NADSYN1: variants seen among roughly 807,000 people sequenced by gnomAD.
NADSYN1 encodes the protein glutamine-dependent NAD(+) synthetase.
Under a neutral mutation model 99.3 loss-of-function variants are expected in NADSYN1, and 80 were observed. The observed-to-expected ratio is 0.81, with a 90% CI of 0.67 to 0.97. The LOEUF is 0.97. Among genes scored for constraint, NADSYN1 ranks in the 50% least tolerant of loss-of-function variants. The probability of loss-of-function intolerance (pLI) is 0.00; values close to 1 mark genes in which losing one functional copy is unlikely to be tolerated. For missense variants in NADSYN1, 859 were observed against 948.5 expected (o/e 0.91, Z 1.24); for synonymous variants, 385 against 372.1 (o/e 1.03, Z -0.40).
chr11:71,462,944 G>T (rs1011027653), intron 3 of NADSYN1, among the ~76,000 whole-genome samples: 1 of 152,178 alleles, frequency 6.6e-6, no homozygotes, highest in Non-Finnish European at 1.5e-5. Flanking sequence ...AGATGATAGG[G>T]TGTTGGCGAG....
In NADSYN1 at chr11:71,464,133, C is replaced by A; in HGVS notation, c.398C>A (p.Ser133Ter). Residue 133 changes from serine (S) to a stop codon, truncating the protein, a stop_gained, in exon 5 of 21, where the codon TCG (serine) becomes TAG (stop). Transcript: ENST00000319023. LOFTEE classifies it high-confidence loss of function. ...GAGCTGCGCTGGTTCACCCCGTGGT[C>A]GAGGAGTCGGTGAGTCGGGTGCCTG... ...YRELRWFTPW[S>*]RSRHTEEYFL... 1 of 1,608,692 alleles carries A rather than the reference C, an allele frequency of 6.2e-7. No homozygotes were observed. The highest frequency in any genetic ancestry group is 8.5e-7 in the Non-Finnish European group (1 of 1,177,766).
Position 71,482,942 on chromosome 11 carries a change from C to G in NADSYN1, c.1244C>G (p.Thr415Ser), listed in dbSNP as rs762090186. The change falls in exon 14 of 21, where the codon ACC (threonine) becomes AGC (serine). Residue 415 changes from threonine to serine, a missense_variant. Thr to Ser is a moderately conservative substitution (Grantham distance 58, BLOSUM62 1). Transcript: ENST00000319023. Reference protein sequence around the residue: ...PRDLCGRILTTCYMASKNSSQ... With the variant: ...PRDLCGRILTSCYMASKNSSQ... The stretch of plus-strand genomic sequence containing the variant: ...GACCTCTGTGGACGCATACTGACCA[C>G]CTGCTACATGGCCAGCAAGAACTCC... 3.7e-6 allele frequency: 6 copies of G among 1,613,084 alleles called. No individual in the cohort carries two copies. Among genetic ancestry groups the G allele is most frequent in the Non-Finnish European group, 5.1e-6 (6 of 1,179,664 alleles).
At position 71,464,090 on chromosome 11, in the gene NADSYN1, A is replaced by G. The variant is rs372338562; in HGVS notation, c.355A>G (p.Asn119Asp). Reference protein sequence around the residue: ...LLIRPKMALANEGNYRELRWF... With the variant: ...LLIRPKMALADEGNYRELRWF... ...CATCAGACCCAAGATGGCCTTGGCCAATGAAGGCAACTACCGCGAGCTGCG... is the reference window on the plus strand; with the variant it reads ...CATCAGACCCAAGATGGCCTTGGCCGATGAAGGCAACTACCGCGAGCTGCG... Residue 119 changes from asparagine (N) to aspartate (D), a missense_variant, in exon 5 of 21, where the codon AAT (asparagine) becomes GAT (aspartate). Asn to Asp is a conservative substitution (Grantham distance 23). Transcript: ENST00000319023. The G allele has an allele frequency of 6.8e-6, 11 of 1,612,696 alleles. No individual in the cohort carries two copies. Among genetic ancestry groups the G allele is most frequent in the Non-Finnish European group, 9.3e-6 (11 of 1,179,530 alleles).
At chr11:71,477,388 C>T in intron 9 of NADSYN1, 2 of 1,289,806 alleles carry the variant, frequency 1.6e-6, no homozygotes, top group Non-Finnish European at 2.0e-6. Flanking sequence ...AGCCAGAGAA[C>T]CACAGGATGC....
At chr11:71,474,133 T>C (rs1456598249) in intron 8 of NADSYN1, among the ~76,000 whole-genome samples, 1 of 152,218 alleles carries the variant, frequency 6.6e-6, no homozygotes, top group Non-Finnish European at 1.5e-5. Flanking sequence ...TCATCATGCC[T>C]GAGGGAGGTG....
intron 18 of NADSYN1, among the ~76,000 whole-genome samples, chr11:71,493,323 G>A (rs990053415): frequency 6.6e-6 from 1 of 152,106 alleles, no homozygotes; most frequent in African/African-American, 2.4e-5. Flanking sequence ...TTAATTTCAT[G>A]TGTAGATTGT....
At chr11:71,471,873 G>T (rs1367534379) in intron 5 of NADSYN1, among the ~76,000 whole-genome samples, 1 of 152,170 alleles carries the variant, frequency 6.6e-6, no homozygotes, top group Non-Finnish European at 1.5e-5. Flanking sequence ...TTGCAGATCT[G>T]AGTGGTGCAT....
chr11:71,478,700 A>T, intron 10 of NADSYN1: 1 of 511,608 alleles, frequency 2.0e-6, no homozygotes, highest in East Asian at 3.4e-5. Context: ...TGAGCTGGGG[A>T]CAGGCAGGCA....
chr11:71,485,379 G>T, intron 15 of NADSYN1, 163 bp from the exon 16 acceptor site: 1 of 531,520 alleles, frequency 1.9e-6, no homozygotes, highest in Middle Eastern at 4.6e-4. Flanking sequence ...ACCCCGAGAG[G>T]AAGGCCTCGG....
chr11:71,489,022 G>C lies in NADSYN1; in HGVS notation c.1563-1823G>C, dbSNP rs548688174. Among the ~76,000 whole-genome samples the C allele has an allele frequency of 5.3e-5, 8 of 152,140 alleles. No homozygotes were observed. In the East Asian group the frequency reaches 1.4e-3, roughly 26 times the overall value. On this transcript the variant is annotated intron_variant, in intron 16 of 20. Transcript: ENST00000319023. ...CGCGCCCACAGCAGCAGGAGGGGTGGGTTCAGAGGCAGGCCCAGGAGAAGG... is the reference window on the plus strand; with the variant it reads ...CGCGCCCACAGCAGCAGGAGGGGTGCGTTCAGAGGCAGGCCCAGGAGAAGG...
At chr11:71,481,287 T>G in intron 11 of NADSYN1, 69 bp from the exon 12 acceptor site, 1 of 1,526,456 alleles carries the variant, frequency 6.6e-7, no homozygotes. Context: ...GGGGCCTGCT[T>G]GGGTGGGTTG....
intron 10 of NADSYN1, chr11:71,480,024 C>CT (rs1358777947): frequency 6.6e-6 from 1 of 152,244 alleles, no homozygotes; most frequent in Non-Finnish European, 1.5e-5. Context: ...CACTTTCTGT[C>CT]TATCATTAAC....
chr11:71,464,985 G>A (rs1225389913), intron 5 of NADSYN1, among the ~76,000 whole-genome samples: 2 of 151,604 alleles, frequency 1.3e-5, no homozygotes, highest in South Asian at 2.1e-4. Flanking sequence ...CACAGATATC[G>A]ACTAGCTGGG....
Position 71,473,356 on chromosome 11 carries a change from A to C in NADSYN1, c.538A>C (p.Thr180Pro), listed in dbSNP as rs1949641441. 1 of 1,614,082 alleles carries C rather than the reference A, an allele frequency of 6.2e-7. No homozygotes were observed. The highest frequency in any genetic ancestry group is 8.5e-7 in the Non-Finnish European group (1 of 1,179,962). ...AAGTGAGATCTGTGAGGAGCTCTGGACACCCCACAGGTCAGCCCCATGCCC... is the reference window on the plus strand; with the variant it reads ...AAGTGAGATCTGTGAGGAGCTCTGGCCACCCCACAGGTCAGCCCCATGCCC... ...IGSEICEELWTPHSPHIDMGL... is the reference protein window; with the variant it reads ...IGSEICEELWPPHSPHIDMGL... Residue 180 changes from threonine (T) to proline (P), a missense_variant, in exon 7 of 21, where the codon ACA (threonine) becomes CCA (proline). By Grantham distance (38) the Thr-to-Pro change is conservative. Transcript: ENST00000319023.
chr11:71,473,650 C>T lies in NADSYN1; in HGVS notation c.630C>T (p.Asn210=). The T allele has an allele frequency of 6.2e-7, 1 of 1,613,162 alleles. No individual in the cohort carries two copies. The highest frequency in any genetic ancestry group is 1.1e-5 in the South Asian group (1 of 91,072). ...SGSHQVLRKA[N]TRVDLVTMVT... is the part of the protein sequence containing the mutation. Reference sequence around the variant, plus strand: ...GCCACCAAGTGCTGCGCAAAGCCAACACCAGGGTGGATCTCGTGACTATGG... The same window carrying T: ...GCCACCAAGTGCTGCGCAAAGCCAATACCAGGGTGGATCTCGTGACTATGG... The change falls in exon 8 of 21, where the codon AAC becomes AAT. Residue 210 remains asparagine, a synonymous_variant. Coordinates refer to ENST00000319023, the MANE Select transcript of NADSYN1 (RefSeq NM_018161.5).
chr11:71,479,745 G>A (rs1482857262), intron 10 of NADSYN1: 1 of 152,262 alleles, frequency 6.6e-6, no homozygotes, highest in African/African-American at 2.4e-5. Context: ...GGACCCAGGA[G>A]CCTGCACCGA....
chr11:71,455,532 C>G (rs1268013575), intron 2 of NADSYN1: 6 of 240,812 alleles, frequency 2.5e-5, no homozygotes, highest in Admixed American at 1.5e-4. Flanking sequence ...AGAGATGAGG[C>G]CTTTGGCAGG....
chr11:71,490,958 A>C lies in NADSYN1; in HGVS notation c.1676A>C (p.Gln559Pro). 6.2e-7 allele frequency: 1 copy of C among 1,614,138 alleles called. No homozygotes were observed. The highest frequency in any genetic ancestry group is 2.2e-5 in the East Asian group (1 of 44,858). Reference protein sequence around the residue: ...AFVQFCIQRFQLPALQSILLA... With the variant: ...AFVQFCIQRFPLPALQSILLA... ...GTCCAGTTCTGCATCCAGCGCTTCC[A>C]GCTTCCTGCCCTGCAGAGGTGAGTG... The change falls in exon 17 of 21, where the codon CAG (glutamine) becomes CCG (proline). Residue 559 changes from glutamine (Q) to proline (P), a missense_variant. Coordinates refer to ENST00000319023, the MANE Select transcript of NADSYN1 (RefSeq NM_018161.5).
chr11:71,491,673 C>T (rs192197249), intron 17 of NADSYN1, among the ~76,000 whole-genome samples, 161 bp from the exon 18 acceptor site: 10 of 152,294 alleles, frequency 6.6e-5, no homozygotes, highest in African/African-American at 2.2e-4. Context: ...TGCTCACCCC[C>T]GCTGGAAAGC....
Sources: gnomAD v4.1 joint callset for allele counts (sites outside exome capture counted in the v4.1 genomes callset) on GRCh38, gnomAD v4.1.1 for gene constraint, MANE v1.5 for transcripts, NCBI Gene and HGNC (gene_info 2026-07-23, HGNC 2026-07-21) for gene names.